The following TXNL1 variants were observed in gnomAD, a reference collection of about 807,000 sequenced individuals.
The protein encoded by TXNL1 is thioredoxin like 1.
Under a neutral mutation model 35.5 loss-of-function variants are expected in TXNL1, and 14 were observed. That is an observed-to-expected ratio of 0.39 (90% CI 0.26 to 0.62). The LOEUF is 0.62. Among genes scored for constraint, TXNL1 ranks in the 20% least tolerant of loss-of-function variants. TXNL1 has a pLI of 0.47. For synonymous variants in TXNL1, 110 were observed against 115.5 expected (o/e 0.95, Z 0.31); for missense variants, 263 against 349.7 (o/e 0.75, Z 1.98).
intron 7 of TXNL1, chr18:56,608,587 C>CT (rs781766880): frequency 6.6e-6 from 1 of 152,156 alleles, no homozygotes; most frequent in Non-Finnish European, 1.5e-5. Context: ...GAGGTCAACA[C>CT]TATTTTCATA....
chr18:56,614,369 A>T, intron 6 of TXNL1, 55 bp downstream of exon 6: 1 of 1,501,236 alleles, frequency 6.7e-7, no homozygotes, highest in Non-Finnish European at 9.1e-7. Context: ...GGATACTGAA[A>T]ATAGTATTGT....
chr18:56,621,825 C>A (rs1464771947), intron 3 of TXNL1, among the ~76,000 whole-genome samples: 3 of 151,704 alleles, frequency 2.0e-5, no homozygotes, highest in African/African-American at 7.3e-5. Context: ...CATGGTGAAA[C>A]CCCCTCTCTA....
Position 56,611,061 on chromosome 18 carries a change from T to G in TXNL1, c.772A>C (p.Thr258Pro). Residue 258 changes from threonine (T) to proline (P), a missense_variant, in exon 7 of 8, where the codon ACA becomes CCA. Transcript: ENST00000217515. ...ATAAAAGTAAAATATGAAATTCTTG[T>G]TGTTTCCTCTTCACCTTGATTCGAC... ...VQSNQGEEET[T>P]RISYFTFIGT... 6.2e-7 allele frequency: 1 copy of G among 1,608,154 alleles called. No homozygotes were observed. Among genetic ancestry groups the G allele is most frequent in the Non-Finnish European group, 8.5e-7 (1 of 1,178,156 alleles).
chr18:56,611,736 C>T (rs962571381), intron 6 of TXNL1, among the ~76,000 whole-genome samples: 2 of 151,706 alleles, frequency 1.3e-5, no homozygotes, highest in African/African-American at 4.8e-5. Flanking sequence ...CTCTGTTGCC[C>T]AGGCTGGAGT....
At chr18:56,619,332 G>GT (rs1253447158) in intron 3 of TXNL1, among the ~76,000 whole-genome samples, 1 of 151,728 alleles carries the variant, frequency 6.6e-6, no homozygotes, top group African/African-American at 2.4e-5. Flanking sequence ...GAGGTCAGGA[G>GT]TTTGAGACCA....
intron 7 of TXNL1, among the ~76,000 whole-genome samples, chr18:56,604,053 T>C (rs1248227678): frequency 6.6e-6 from 1 of 152,154 alleles, no homozygotes; most frequent in Non-Finnish European, 1.5e-5. Context: ...AGCTTTCCAC[T>C]GAAATCCCAA....
At chr18:56,623,383 G>A (rs1019796899) in intron 3 of TXNL1, among the ~76,000 whole-genome samples, 4 of 149,404 alleles carry the variant, frequency 2.7e-5, no homozygotes, top group African/African-American at 2.5e-5. Flanking sequence ...AGCTGAGATC[G>A]TGCCACTGCA....
In TXNL1 at chr18:56,598,631, G is replaced by A. The variant is rs2023772706; in HGVS notation, c.*4396C>T. On this transcript the variant is annotated 3_prime_UTR_variant, in exon 8 of 8. Transcript: ENST00000217515. ...GCCATGTGGGGGATACATGAGAGAG[G>A]CCAGAGCAGAAACAAAGAGACAATT... The A allele has an allele frequency of 6.6e-6, 1 of 152,244 alleles. No individual in the cohort carries two copies. Among genetic ancestry groups the A allele is most frequent in the Admixed American group, 6.6e-5 (1 of 15,262 alleles). The allele number at this position is 152,244 out of a possible 1,614,324, so 9.4% of individuals were successfully genotyped here. A position where few individuals can be genotyped will look rare whatever the true frequency, so the allele number is the denominator to read the frequency against.
intron 2 of TXNL1, among the ~76,000 whole-genome samples, chr18:56,625,050 T>C (rs2024253684): frequency 6.6e-6 from 1 of 152,154 alleles, no homozygotes; most frequent in Admixed American, 6.5e-5. Flanking sequence ...GGAAATTACC[T>C]AATAACCACC....
intron 1 of TXNL1, among the ~76,000 whole-genome samples, chr18:56,632,987 T>C (rs567321376): frequency 6.6e-6 from 1 of 152,304 alleles, no homozygotes; most frequent in South Asian, 2.1e-4. Flanking sequence ...TAATATACAA[T>C]TATTTGGACA....
chr18:56,629,595 G>A (rs2024339426), intron 1 of TXNL1, among the ~76,000 whole-genome samples: 1 of 152,132 alleles, frequency 6.6e-6, no homozygotes, highest in Admixed American at 6.5e-5. Flanking sequence ...TAAATGCATA[G>A]GGGGTAAAAA....
At chr18:56,638,171 T>C (rs568742485) in intron 1 of TXNL1, among the ~76,000 whole-genome samples, 172 bp downstream of exon 1, 2 of 152,166 alleles carry the variant, frequency 1.3e-5, no homozygotes, top group Non-Finnish European at 2.9e-5. Context: ...CCCCTGTGCA[T>C]AAATGGGGGT....
chr18:56,634,677 G>A (rs1051224439), intron 1 of TXNL1, among the ~76,000 whole-genome samples: 5 of 152,112 alleles, frequency 3.3e-5, no homozygotes, highest in Non-Finnish European at 5.9e-5. Context: ...ATGGATCAAG[G>A]ACCTAAACTT....
intron 1 of TXNL1, among the ~76,000 whole-genome samples, chr18:56,636,555 C>A (rs1271721080): frequency 1.3e-5 from 2 of 152,038 alleles, no homozygotes; most frequent in East Asian, 3.8e-4. Context: ...AATTTTCCCT[C>A]GGTTTTTACA....
At chr18:56,619,156 G>A (rs1258429227) in intron 3 of TXNL1, among the ~76,000 whole-genome samples, 2 of 146,754 alleles carry the variant, frequency 1.4e-5, no homozygotes, top group Non-Finnish European at 3.0e-5. Flanking sequence ...CAAGGCTGCA[G>A]TAAGCTGAAA....
intron 6 of TXNL1, among the ~76,000 whole-genome samples, chr18:56,614,088 A>T (rs80189164): frequency 0.066 from 10,080 of 152,264 alleles, 521 homozygotes; most frequent in East Asian, 0.23. Context: ...AGTAAATAAG[A>T]TTTTACAAAC....
chr18:56,636,469 G>T (rs111816645), intron 1 of TXNL1, among the ~76,000 whole-genome samples: 1 of 152,000 alleles, frequency 6.6e-6, no homozygotes, highest in Non-Finnish European at 1.5e-5. Context: ...GAATATTAAA[G>T]GTAAATACAA....
At chr18:56,609,771 T>C (rs2023961293) in intron 7 of TXNL1, 1 of 152,216 alleles carries the variant, frequency 6.6e-6, no homozygotes. Context: ...ATGTAGATGC[T>C]TAATCTCTGC....
At chr18:56,607,161 TTG>T (rs112495608) in intron 7 of TXNL1, among the ~76,000 whole-genome samples, 385 of 137,590 alleles carry the variant, frequency 2.8e-3, no homozygotes, top group African/African-American at 7.5e-3. Context: ...CTGGGTAATT[TTG>T]TGTGTGTGTG....
Sources: gnomAD v4.1 joint callset for allele counts (sites outside exome capture counted in the v4.1 genomes callset) on GRCh38, gnomAD v4.1.1 for gene constraint, MANE v1.5 for transcripts, NCBI Gene and HGNC (gene_info 2026-07-23, HGNC 2026-07-21) for gene names.